Variants in CNTN1 observed in about 807,000 individuals in gnomAD.
CNTN1 encodes the protein contactin 1.
A neutral mutation model predicts 126.4 loss-of-function variants in CNTN1; 38 were observed. The observed-to-expected ratio is 0.30, with a 90% CI of 0.23 to 0.39. The LOEUF is 0.39. Among genes scored for constraint, CNTN1 ranks in the 10% least tolerant of loss-of-function variants. The probability of loss-of-function intolerance (pLI) is 1.00; values close to 1 mark genes in which losing one functional copy is unlikely to be tolerated. For missense variants in CNTN1, 1,009 were observed against 1,248.4 expected, an observed-to-expected ratio of 0.81 and a Z score of 2.89; for synonymous variants, 413 against 422.6, an observed-to-expected ratio of 0.98 and a Z score of 0.28.
At chr12:40,867,211 C>G (rs984371806) in intron 1 of CNTN1, among the ~76,000 whole-genome samples, 2 of 152,136 alleles carry the variant, frequency 1.3e-5, no homozygotes, top group Non-Finnish European at 2.9e-5. Flanking sequence ...GGAAATGCAT[C>G]CACTTGGTCT....
At chr12:40,694,354 C>G (rs561621388) in intron 1 of CNTN1, among the ~76,000 whole-genome samples, 1 of 152,296 alleles carries the variant, frequency 6.6e-6, no homozygotes, top group Admixed American at 6.5e-5. Flanking sequence ...GTGCATTTAT[C>G]TTTGCCATTC....
chr12:41,008,177 G>A (rs896859007), intron 17 of CNTN1, among the ~76,000 whole-genome samples: 19 of 152,156 alleles, frequency 1.2e-4, no homozygotes, highest in Non-Finnish European at 2.6e-4. Flanking sequence ...GCATGTCCAT[G>A]TATGGTTCTG....
At chr12:40,791,882 C>T (rs1448835742) in intron 1 of CNTN1, among the ~76,000 whole-genome samples, 1 of 152,012 alleles carries the variant, frequency 6.6e-6, no homozygotes, top group African/African-American at 2.4e-5. Context: ...AAAATAAGGG[C>T]TGAAACTCCT....
chr12:40,883,728 G>A (rs1379671468), intron 1 of CNTN1, among the ~76,000 whole-genome samples: 1 of 151,542 alleles, frequency 6.6e-6, no homozygotes, highest in Non-Finnish European at 1.5e-5. Flanking sequence ...TGTATCCAGA[G>A]GGAACTTGTT....
intron 23 of CNTN1, among the ~76,000 whole-genome samples, chr12:41,036,104 A>C (rs1817406893): frequency 6.6e-6 from 1 of 152,162 alleles, no homozygotes; most frequent in Non-Finnish European, 1.5e-5. Flanking sequence ...GAAATAATTA[A>C]TTTATAGGCT....
intron 23 of CNTN1, among the ~76,000 whole-genome samples, chr12:41,063,115 C>T (rs182064837): frequency 6.6e-6 from 1 of 152,348 alleles, no homozygotes; most frequent in African/African-American, 2.4e-5. Context: ...AATTCGAACG[C>T]TGCACCTACC....
chr12:41,049,449 C>G (rs1275679729), intron 23 of CNTN1, among the ~76,000 whole-genome samples: 1 of 152,186 alleles, frequency 6.6e-6, no homozygotes, highest in Non-Finnish European at 1.5e-5. Flanking sequence ...TTTTTGGCAT[C>G]ATTTTCTTTA....
In CNTN1 at chr12:40,929,798, G is replaced by A. The variant is rs1285012875; in HGVS notation, c.499G>A (p.Asp167Asn). 6.2e-7 allele frequency: 1 copy of A among 1,610,054 alleles called. No individual in the cohort carries two copies. Among genetic ancestry groups the A allele is most frequent in the Admixed American group, 1.7e-5 (1 of 59,764 alleles). ...LCDPPYHFPD[D>N]LSYRWLLNEF... ...TAGAAGGCAATATTTTCTCCTAGAT[G>A]ATCTTAGCTATCGCTGGCTTCTAAA... Residue 167 changes from aspartate (D) to asparagine (N), a missense_variant and splice_region_variant, in exon 7 of 24, where the codon GAT becomes AAT. Transcript: ENST00000551295.
intron 6 of CNTN1, among the ~76,000 whole-genome samples, chr12:40,927,069 A>G (rs146953692): frequency 2.4e-4 from 36 of 152,172 alleles, no homozygotes; most frequent in African/African-American, 7.9e-4. Flanking sequence ...TCATCATTCA[A>G]TAAGTTGTTT....
chr12:40,735,046 G>A (rs967265885), intron 1 of CNTN1, among the ~76,000 whole-genome samples: 12 of 152,102 alleles, frequency 7.9e-5, no homozygotes, highest in Admixed American at 3.9e-4. Context: ...GCAAAGAAGG[G>A]TTGGATAACT....
chr12:41,038,142 T>A (rs965153716), intron 23 of CNTN1, among the ~76,000 whole-genome samples: 12 of 151,882 alleles, frequency 7.9e-5, no homozygotes, highest in Admixed American at 6.6e-4. Flanking sequence ...GGCAACAGAG[T>A]GAGAGTCCAT....
chr12:41,032,774 T>G, intron 23 of CNTN1, among the ~76,000 whole-genome samples: 1 of 152,216 alleles, frequency 6.6e-6, no homozygotes, highest in East Asian at 1.9e-4. Flanking sequence ...ATTATCTTAT[T>G]TATTAATTTG....
In CNTN1 at chr12:40,933,883, A is replaced by G. The variant is rs1423830488; in HGVS notation, c.985+5A>G. ...AAGCAAGAATTTATGTTCAAGGTAG[A>G]TACATTATTTTAATTTTGTATAAAT... On this transcript the variant is annotated splice_donor_5th_base_variant and intron_variant, in intron 9 of 23. Transcript: ENST00000551295. 2.5e-6 allele frequency: 4 copies of G among 1,605,754 alleles called. No individual in the cohort carries two copies. The highest frequency in any genetic ancestry group is 3.4e-6 in the Non-Finnish European group (4 of 1,173,204).
Position 41,025,172 on chromosome 12 carries a change from A to T in CNTN1, c.2546A>T (p.Asp849Val). ...SYQIRYWAAHDKEEAANRVQV... is the reference protein window; with the variant it reads ...SYQIRYWAAHVKEEAANRVQV... ...CAGATTCGGTATTGGGCTGCCCATG[A>T]CAAAGAAGAAGCTGCAAACAGAGTT... The change falls in exon 21 of 24, where the codon GAC (aspartate) becomes GTC (valine). Residue 849 changes from aspartate (D) to valine (V), a missense_variant. By Grantham distance (152) the Asp-to-Val change is radical (BLOSUM62 -3). Coordinates refer to ENST00000551295, the MANE Select transcript of CNTN1 (RefSeq NM_001843.4). The T allele has an allele frequency of 6.2e-7, 1 of 1,613,930 alleles. No individual in the cohort carries two copies. Among genetic ancestry groups the T allele is most frequent in the Non-Finnish European group, 8.5e-7 (1 of 1,179,876 alleles).
chr12:40,868,746 G>A (rs1448664588), intron 1 of CNTN1, among the ~76,000 whole-genome samples: 1 of 152,026 alleles, frequency 6.6e-6, no homozygotes, highest in Non-Finnish European at 1.5e-5. Flanking sequence ...CAATTTCATG[G>A]TCTTTGTCTC....
chr12:41,065,947 C>T (rs994236268), intron 23 of CNTN1, among the ~76,000 whole-genome samples: 1 of 152,178 alleles, frequency 6.6e-6, no homozygotes, highest in Admixed American at 6.5e-5. Flanking sequence ...ACGTGCTGTC[C>T]CAGCAGGAGT....
chr12:40,896,899 T>C (rs1055436755), intron 1 of CNTN1, among the ~76,000 whole-genome samples: 4 of 152,182 alleles, frequency 2.6e-5, no homozygotes, highest in Non-Finnish European at 4.4e-5. Context: ...GATCCTGAAA[T>C]AGAGTTGAAA....
At chr12:40,739,271 G>A (rs1414399634) in intron 1 of CNTN1, among the ~76,000 whole-genome samples, 2 of 151,898 alleles carry the variant, frequency 1.3e-5, no homozygotes, top group Non-Finnish European at 2.9e-5. Flanking sequence ...TAGTCAATAA[G>A]GATAAATCTC....
chr12:40,955,228 A>G (rs1252518526), intron 14 of CNTN1, among the ~76,000 whole-genome samples: 1 of 151,950 alleles, frequency 6.6e-6, no homozygotes. Flanking sequence ...ATGACCCAAG[A>G]CTTCCCAAGC....
Sources: gnomAD v4.1 joint callset for allele counts (sites outside exome capture counted in the v4.1 genomes callset) on GRCh38, gnomAD v4.1.1 for gene constraint, MANE v1.5 for transcripts, NCBI Gene and HGNC (gene_info 2026-07-23, HGNC 2026-07-21) for gene names.